The following CHCHD3 variants were observed in gnomAD, a reference collection of about 807,000 sequenced individuals.
CHCHD3 encodes the protein coiled-coil-helix-coiled-coil-helix domain containing 3, also known as MICOS complex subunit MIC19.
Under a neutral mutation model 38.2 loss-of-function variants are expected in CHCHD3, and 20 were observed. The ratio of observed to expected loss-of-function variants is 0.52; its 90% CI spans 0.37 to 0.76. The LOEUF (loss-of-function observed/expected upper bound fraction) is 0.76, where lower values mean the gene tolerates loss of function less well. Ranked by LOEUF, CHCHD3 falls within the 30% of genes least tolerant of loss-of-function variation. The pLI is 0.00. For synonymous variants in CHCHD3, 82 were observed against 100.0 expected (o/e 0.82, Z 1.07); for missense variants, 245 against 279.2 (o/e 0.88, Z 0.87).
chr7:133,021,809 A>T (rs1269240996), intron 3 of CHCHD3, among the ~76,000 whole-genome samples: 18 of 152,142 alleles, frequency 1.2e-4, no homozygotes, highest in Admixed American at 1.2e-3. Context: ...TTTAAATGCC[A>T]GGCACGGTGG....
intron 5 of CHCHD3, among the ~76,000 whole-genome samples, chr7:132,864,417 AACATCAAAGATC>A (rs950107519): frequency 6.6e-6 from 1 of 152,204 alleles, no homozygotes; most frequent in African/African-American, 2.4e-5. Flanking sequence ...TTACAATAGT[AACATCAAAGATC>A]ACATCATAGA....
intron 2 of CHCHD3, among the ~76,000 whole-genome samples, chr7:133,025,763 C>A (rs1813318895): frequency 1.3e-5 from 2 of 152,186 alleles, no homozygotes; most frequent in Non-Finnish European, 2.9e-5. Flanking sequence ...CTTGGCCTCC[C>A]AAAGTGCTGG....
intron 4 of CHCHD3, among the ~76,000 whole-genome samples, chr7:132,970,489 G>A (rs1389007116): frequency 2.6e-5 from 4 of 152,196 alleles, no homozygotes; most frequent in Non-Finnish European, 4.4e-5. Flanking sequence ...GAAAGACAAA[G>A]TCCTGGCTTT....
At chr7:132,971,601 G>T (rs1811613600) in intron 4 of CHCHD3, among the ~76,000 whole-genome samples, 1 of 152,184 alleles carries the variant, frequency 6.6e-6, no homozygotes, top group South Asian at 2.1e-4. Context: ...CTAAATGTCA[G>T]CTGTTAGTGA....
intron 4 of CHCHD3, among the ~76,000 whole-genome samples, chr7:132,929,485 C>T (rs192681393): frequency 6.6e-6 from 1 of 152,308 alleles, no homozygotes; most frequent in Non-Finnish European, 1.5e-5. Context: ...TTGGCAATCT[C>T]ACCCATTCCC....
intron 3 of CHCHD3, among the ~76,000 whole-genome samples, chr7:132,976,720 G>C (rs1243612146): frequency 6.6e-6 from 1 of 151,984 alleles, no homozygotes; most frequent in Non-Finnish European, 1.5e-5. Flanking sequence ...ATTCTACTCA[G>C]TACTAGCTTA....
intron 6 of CHCHD3, among the ~76,000 whole-genome samples, chr7:132,828,770 A>G (rs1393602059): frequency 2.0e-5 from 3 of 152,172 alleles, no homozygotes; most frequent in Non-Finnish European, 4.4e-5. Flanking sequence ...AGGCTTACCA[A>G]ACTCTGGAGT....
intron 2 of CHCHD3, among the ~76,000 whole-genome samples, chr7:133,069,577 GGAGA>G (rs1227844583): frequency 1.1e-4 from 16 of 152,154 alleles, no homozygotes; most frequent in African/African-American, 3.9e-4. Context: ...GAGTGTGGCA[GGAGA>G]GAGAAAAGGG....
intron 3 of CHCHD3, among the ~76,000 whole-genome samples, chr7:133,016,882 C>G: frequency 6.6e-6 from 1 of 152,198 alleles, no homozygotes; most frequent in Non-Finnish European, 1.5e-5. Flanking sequence ...CCTATGTGGA[C>G]CACTGCCCAT....
At chr7:133,014,635 A>T (rs1812976946) in intron 3 of CHCHD3, among the ~76,000 whole-genome samples, 1 of 152,052 alleles carries the variant, frequency 6.6e-6, no homozygotes, top group African/African-American at 2.4e-5. Context: ...AGCAACACAA[A>T]TATATAAAAT....
chr7:133,077,259 A>G (rs537445556), intron 1 of CHCHD3, among the ~76,000 whole-genome samples: 1 of 152,324 alleles, frequency 6.6e-6, no homozygotes, highest in South Asian at 2.1e-4. Flanking sequence ...CTAATCATCC[A>G]CTACTTAACT....
intron 4 of CHCHD3, among the ~76,000 whole-genome samples, chr7:132,950,771 G>A (rs891430792): frequency 6.6e-6 from 1 of 152,034 alleles, no homozygotes; most frequent in Non-Finnish European, 1.5e-5. Context: ...GTTGCTATGT[G>A]GTTTCTTGAT....
chr7:133,002,548 A>C (rs1014634237), intron 3 of CHCHD3, among the ~76,000 whole-genome samples: 20 of 152,262 alleles, frequency 1.3e-4, no homozygotes, highest in Non-Finnish European at 1.6e-4. Context: ...AACAGTTTAC[A>C]AACAGCATTC....
intron 2 of CHCHD3, among the ~76,000 whole-genome samples, chr7:133,062,636 G>T (rs1347621260): frequency 6.6e-6 from 1 of 152,158 alleles, no homozygotes; most frequent in Non-Finnish European, 1.5e-5. Context: ...CTTTAAAACA[G>T]CGTCTTTTTT....
chr7:132,932,122 T>G (rs1562912263), intron 4 of CHCHD3, among the ~76,000 whole-genome samples: 1 of 152,220 alleles, frequency 6.6e-6, no homozygotes. Context: ...ATAAACCTGT[T>G]GGTCAGATGG....
At chr7:132,976,437 C>T (rs62465311) in intron 3 of CHCHD3, among the ~76,000 whole-genome samples, 1,800 of 152,282 alleles carry the variant, frequency 0.012, 14 homozygotes, top group Middle Eastern at 0.024. Context: ...CCTCATTGTA[C>T]ATGATAAAGA....
At position 132,967,452 on chromosome 7, in the gene CHCHD3, G is replaced by A. The variant is rs539855825; in HGVS notation, c.369+7717C>T. Among the ~76,000 whole-genome samples, 16 of 152,056 alleles carry A rather than the reference G, an allele frequency of 1.1e-4. No homozygotes were observed. In the East Asian group the frequency reaches 3.1e-3, roughly 30 times the overall value. On this transcript the variant is annotated intron_variant, in intron 4 of 7. Transcript: ENST00000262570. ...CTCCAGGTCCCTCAATATCTAGTCA[G>A]CATAATATTGAGCTTCTCAGAGGCT... is the stretch of plus-strand genomic sequence containing the variant.
At chr7:132,892,279 T>C (rs1044639459) in intron 4 of CHCHD3, among the ~76,000 whole-genome samples, 1 of 152,156 alleles carries the variant, frequency 6.6e-6, no homozygotes, top group African/African-American at 2.4e-5. Context: ...GGTCTCAAGA[T>C]AGATATGAGG....
intron 5 of CHCHD3, among the ~76,000 whole-genome samples, chr7:132,856,972 T>C (rs1808355292): frequency 6.6e-6 from 1 of 152,130 alleles, no homozygotes; most frequent in South Asian, 2.1e-4. Context: ...GCTGGGAAAA[T>C]GAGGGTCTCT....
Sources: gnomAD v4.1 joint callset for allele counts (sites outside exome capture counted in the v4.1 genomes callset) on GRCh38, gnomAD v4.1.1 for gene constraint, MANE v1.5 for transcripts, NCBI Gene and HGNC (gene_info 2026-07-23, HGNC 2026-07-21) for gene names.